CAMTA1: variants seen among roughly 807,000 people sequenced by gnomAD.
The protein encoded by CAMTA1 is calmodulin binding transcription activator 1.
In CAMTA1, 27 loss-of-function variants were observed where a neutral mutation model predicts 170.9. That is an observed-to-expected ratio of 0.16 (90% CI 0.12 to 0.22). CAMTA1 has a LOEUF of 0.22. Ranked by LOEUF, CAMTA1 falls within the 10% of genes least tolerant of loss-of-function variation. CAMTA1 has a pLI of 1.00. For missense variants in CAMTA1, 1,619 were observed against 2,217.2 expected (o/e 0.73, Z 5.42); for synonymous variants, 833 against 891.5 (o/e 0.93, Z 1.17).
intron 3 of CAMTA1, among the ~76,000 whole-genome samples, chr1:6,961,182 G>A (rs994623051): frequency 7.2e-5 from 11 of 152,210 alleles, no homozygotes; most frequent in African/African-American, 2.7e-4. Context: ...ATTGGGCTGC[G>A]ATGCAGTTAA....
In CAMTA1 at chr1:7,565,022, G is replaced by GA. The variant is rs1255579281; in HGVS notation, c.511-75377dup. 6.6e-6 allele frequency among the ~76,000 whole-genome samples: 1 copy of GA among 152,012 alleles called. No individual in the cohort carries two copies. The highest frequency in any genetic ancestry group is 1.9e-4 in the East Asian group (1 of 5,148). On this transcript the variant is annotated intron_variant, in intron 6 of 22. Coordinates refer to ENST00000303635, the MANE Select transcript of CAMTA1 (RefSeq NM_015215.4). The surrounding 1 kb of genome is among the most constrained non-coding windows in gnomAD (Gnocchi z 4.5). ...GGGTGACAACCACGAGATCAAGGTG[G>GA]ATGGGGGGTGGGAGCAGAAGGGCAA...
At position 7,534,633 on chromosome 1, in the gene CAMTA1, G is replaced by C. The variant is rs2094528261; in HGVS notation, c.510+66732G>C. 6.6e-6 allele frequency among the ~76,000 whole-genome samples: 1 copy of C among 152,138 alleles called. No individual in the cohort carries two copies. Among genetic ancestry groups the C allele is most frequent in the African/African-American group, 2.4e-5 (1 of 41,434 alleles). Reference sequence around the variant, plus strand: ...GCGGCACGGGCTGTGGCCGCAGAAGGCCAGCAGCTGTCCAGGGTCACAGCA... The same window carrying C: ...GCGGCACGGGCTGTGGCCGCAGAAGCCCAGCAGCTGTCCAGGGTCACAGCA... On this transcript the variant is annotated intron_variant, in intron 6 of 22. Coordinates refer to ENST00000303635, the MANE Select transcript of CAMTA1 (RefSeq NM_015215.4). This position sits in a 1 kb window ranked among gnomAD's most constrained non-coding sequence, Gnocchi z 5.6.
At position 7,492,618 on chromosome 1, in the gene CAMTA1, T is replaced by C. The variant is rs574005552; in HGVS notation, c.510+24717T>C. ...ACGCGTGCACACACACACACAAATG[T>C]ACATACACGCGCACACAAACACATA... On this transcript the variant is annotated intron_variant, in intron 6 of 22. Transcript: ENST00000303635. Among the ~76,000 whole-genome samples, 331 of 69,808 alleles carry C rather than the reference T, an allele frequency of 4.7e-3. 5 individuals are homozygous for C. Among genetic ancestry groups the C allele is most frequent in the Admixed American group, 0.041 (308 of 7,508 alleles). 45.8% of individuals were successfully genotyped at this position (69,808 alleles called of 152,430 possible).
At chr1:6,848,047 A>G (rs1013648522) in intron 3 of CAMTA1, among the ~76,000 whole-genome samples, 2 of 152,006 alleles carry the variant, frequency 1.3e-5, no homozygotes, top group African/African-American at 4.8e-5. Flanking sequence ...GAGTTTCACC[A>G]TAGTGACCAG....
intron 3 of CAMTA1, among the ~76,000 whole-genome samples, chr1:6,920,865 G>A (rs898848624): frequency 2.0e-5 from 3 of 152,206 alleles, no homozygotes; most frequent in Admixed American, 6.5e-5. Flanking sequence ...CACACTGCAC[G>A]GGAACCCTGG....
At chr1:7,452,518 C>T (rs10399699) in intron 5 of CAMTA1, among the ~76,000 whole-genome samples, 6,735 of 152,276 alleles carry the variant, frequency 0.044, 500 homozygotes, top group African/African-American at 0.15. Context: ...CATTAGCAGC[C>T]GTTCCCCCTT....
chr1:6,789,844 T>G (rs1369233392), intron 1 of CAMTA1, among the ~76,000 whole-genome samples: 1 of 134,326 alleles, frequency 7.4e-6, no homozygotes, highest in Non-Finnish European at 1.6e-5. Context: ...AGAGTCTCAC[T>G]CTATTGCCCA....
intron 5 of CAMTA1, 45 bp from the exon 6 acceptor site, chr1:7,467,785 C>G: frequency 1.3e-6 from 2 of 1,485,590 alleles, no homozygotes; most frequent in African/African-American, 1.4e-5. Context: ...TTCCTTCCTT[C>G]CTTCCCTCTT....
intron 5 of CAMTA1, among the ~76,000 whole-genome samples, chr1:7,284,162 CTTCTTCTTCTTCTTCTTA>C (rs1371201531): frequency 4.8e-4 from 56 of 117,364 alleles, no homozygotes; most frequent in South Asian, 2.3e-3. Flanking sequence ...TCTTCTTCTT[CTTCTTCTTCTTCTTCTTA>C]TTATTATTAT....
At chr1:6,894,080 C>A (rs955590902) in intron 3 of CAMTA1, among the ~76,000 whole-genome samples, 1 of 152,188 alleles carries the variant, frequency 6.6e-6, no homozygotes, top group African/African-American at 2.4e-5. Flanking sequence ...TGCCTTGTGG[C>A]AAGCACAATT....
intron 6 of CAMTA1, among the ~76,000 whole-genome samples, chr1:7,492,907 G>C (rs1403902305): frequency 2.9e-5 from 4 of 137,246 alleles, no homozygotes; most frequent in African/African-American, 1.1e-4. Context: ...ATACACACGT[G>C]CACACACACA....
intron 3 of CAMTA1, among the ~76,000 whole-genome samples, chr1:7,076,789 C>A (rs993811586): frequency 2.6e-5 from 4 of 152,166 alleles, no homozygotes; most frequent in African/African-American, 9.7e-5. Context: ...GGGCTGTGTT[C>A]ATGCATATGT....
intron 6 of CAMTA1, among the ~76,000 whole-genome samples, chr1:7,555,126 G>A (rs890591186): frequency 6.6e-6 from 1 of 152,048 alleles, no homozygotes; most frequent in Non-Finnish European, 1.5e-5. Context: ...TTCAAAGCCT[G>A]CAGCGAGATG....
intron 3 of CAMTA1, among the ~76,000 whole-genome samples, chr1:7,088,996 G>A (rs192983656): frequency 1.6e-4 from 25 of 152,356 alleles, no homozygotes; most frequent in Middle Eastern, 3.4e-3. Context: ...GGCACGTGGT[G>A]CTGTCCGGGG....
chr1:7,013,751 T>C (rs1170277107), intron 3 of CAMTA1, among the ~76,000 whole-genome samples: 1 of 152,204 alleles, frequency 6.6e-6, no homozygotes, highest in East Asian at 1.9e-4. Context: ...TACATTGTGT[T>C]CTTGGTGAGG....
At chr1:7,384,280 G>A (rs1171662145) in intron 5 of CAMTA1, among the ~76,000 whole-genome samples, 2 of 152,210 alleles carry the variant, frequency 1.3e-5, no homozygotes, top group South Asian at 2.1e-4. Context: ...GCAGCTTCAC[G>A]GTGGCTCAGT....
chr1:7,641,185 C>G lies in CAMTA1; in HGVS notation c.664+632C>G, dbSNP rs111607033. ...GGCCACAGCTCCCGGCAGCCGCTGG[C>G]GGCTCTCAGTGGCTTCTCCTGCCCC... On this transcript the variant is annotated intron_variant, in intron 7 of 22. Coordinates refer to ENST00000303635, the MANE Select transcript of CAMTA1 (RefSeq NM_015215.4). This position sits in a 1 kb window ranked among gnomAD's most constrained non-coding sequence, Gnocchi z 4.5. Among the ~76,000 whole-genome samples the G allele has an allele frequency of 6.6e-6, 1 of 152,334 alleles. No homozygotes were observed. Among genetic ancestry groups the G allele is most frequent in the Middle Eastern group, 3.4e-3 (1 of 294 alleles).
chr1:7,321,929 TTGGGAACA>T (rs965463813), intron 5 of CAMTA1, among the ~76,000 whole-genome samples: 50 of 152,088 alleles, frequency 3.3e-4, no homozygotes, highest in African/African-American at 1.1e-3. Flanking sequence ...AGTAGGGAAA[TTGGGAACA>T]TATCTTGAGT....
At chr1:7,170,356 G>A (rs1293655666) in intron 4 of CAMTA1, among the ~76,000 whole-genome samples, 2 of 145,468 alleles carry the variant, frequency 1.4e-5, no homozygotes, top group African/African-American at 2.6e-5. Flanking sequence ...GTGCAGATTT[G>A]TTACATAGGT....
Sources: gnomAD v4.1 joint callset for allele counts (sites outside exome capture counted in the v4.1 genomes callset) on GRCh38, gnomAD v4.1.1 for gene constraint, Gnocchi (gnomAD v3.1) non-coding constraint, MANE v1.5 for transcripts, NCBI Gene and HGNC (gene_info 2026-07-23, HGNC 2026-07-21) for gene names.